The following CMIP variants were observed in gnomAD, a reference collection of about 807,000 sequenced individuals.
The protein encoded by CMIP is c-Maf inducing protein, also known as C-Maf-inducing protein.
A neutral mutation model predicts 97.3 loss-of-function variants in CMIP; 13 were observed. That is an observed-to-expected ratio of 0.13 (90% confidence interval 0.09 to 0.21). The LOEUF (loss-of-function observed/expected upper bound fraction) is 0.21, where lower values mean the gene tolerates loss of function less well. Ranked by LOEUF, CMIP falls within the 10% of genes least tolerant of loss-of-function variation. CMIP has a pLI of 1.00. For synonymous variants in CMIP, 538 were observed against 436.3 expected (o/e 1.23, Z -2.91); for missense variants, 847 against 1,024.9 (o/e 0.83, Z 2.37).
At chr16:81,708,548 G>A (rs1908411282) in intron 20 of CMIP, among the ~76,000 whole-genome samples, 1 of 152,200 alleles carries the variant, frequency 6.6e-6, no homozygotes, top group African/African-American at 2.4e-5. Context: ...AGAGAGACAT[G>A]GTGCCAACTT....
intron 1 of CMIP, among the ~76,000 whole-genome samples, chr16:81,452,547 G>A (rs1906283458): frequency 6.6e-6 from 1 of 152,126 alleles, no homozygotes; most frequent in Non-Finnish European, 1.5e-5. Context: ...AGCAGGGTGG[G>A]GCGAGTGGTG....
chr16:81,601,508 G>A (rs1197469652), intron 1 of CMIP, among the ~76,000 whole-genome samples: 3 of 152,130 alleles, frequency 2.0e-5, no homozygotes, highest in Non-Finnish European at 4.4e-5. Context: ...AGATCTCTGG[G>A]GGTTCACATG....
chr16:81,711,611 A>T lies in CMIP; in HGVS notation c.*1812A>T, dbSNP rs554869006. The T allele has an allele frequency of 3.6e-4, 11 of 30,240 alleles. No homozygotes were observed. The highest frequency in any genetic ancestry group is 2.3e-3 in the Admixed American group (5 of 2,150). The allele number at this position is 30,240 out of a possible 1,614,324, so 1.9% of individuals were successfully genotyped here. A position where few individuals can be genotyped will look rare whatever the true frequency, so the allele number is the denominator to read the frequency against. Reference sequence around the variant, plus strand: ...AAAAATAAATAAAAATAAAAAAAATAAAAAAGGAAAAAAAAAAAAGAAGAA... The same window carrying T: ...AAAAATAAATAAAAATAAAAAAAATTAAAAAGGAAAAAAAAAAAAGAAGAA... On this transcript the variant is annotated 3_prime_UTR_variant, in exon 21 of 21. Coordinates refer to ENST00000537098, the MANE Select transcript of CMIP (RefSeq NM_198390.3).
intron 1 of CMIP, among the ~76,000 whole-genome samples, chr16:81,561,201 C>T (rs986929038): frequency 3.3e-5 from 5 of 152,206 alleles, no homozygotes; most frequent in Non-Finnish European, 5.9e-5. Flanking sequence ...GTGATTCACT[C>T]GCCTTGGCTT....
At chr16:81,568,156 G>C (rs2091018288) in intron 1 of CMIP, among the ~76,000 whole-genome samples, 1 of 149,908 alleles carries the variant, frequency 6.7e-6, no homozygotes, top group Admixed American at 6.7e-5. Flanking sequence ...GGGCACCTTT[G>C]ATGGGAGAAT....
In CMIP at chr16:81,480,781, T is replaced by G. The variant is rs371659721; in HGVS notation, c.300+35240T>G. Reference sequence around the variant, plus strand: ...GCCACCTTGTGCAAGGGGACTGTTATGATGACATCAGTTTCCCCAACATTG... The same window carrying G: ...GCCACCTTGTGCAAGGGGACTGTTAGGATGACATCAGTTTCCCCAACATTG... On this transcript the variant is annotated intron_variant, in intron 1 of 20. Transcript: ENST00000537098. Among the ~76,000 whole-genome samples the G allele has an allele frequency of 2.6e-5, 4 of 152,352 alleles. No individual in the cohort carries two copies. The East Asian group carries it at 7.7e-4, about 29-fold the overall frequency.
chr16:81,520,844 A>G (rs564019330), intron 1 of CMIP, among the ~76,000 whole-genome samples: 3 of 152,150 alleles, frequency 2.0e-5, no homozygotes, highest in Non-Finnish European at 4.4e-5. Flanking sequence ...AAGGGTTGTG[A>G]GGAGGAAGTC....
intron 10 of CMIP, among the ~76,000 whole-genome samples, chr16:81,690,536 C>T (rs550959787): frequency 6.6e-6 from 1 of 152,186 alleles, no homozygotes; most frequent in African/African-American, 2.4e-5. Context: ...CTGAGTCTCG[C>T]TCTGTTGTCC....
intron 1 of CMIP, among the ~76,000 whole-genome samples, chr16:81,557,380 A>T (rs1387343225): frequency 1.3e-5 from 2 of 152,148 alleles, no homozygotes. Context: ...TGTTGGTTGA[A>T]TTCACTTATT....
rs1162799658 is a variant in CMIP, at chr16:81,445,195, A to G, written c.-47A>G. On this transcript the variant is annotated 5_prime_UTR_variant, in exon 1 of 21. Coordinates refer to ENST00000537098, the MANE Select transcript of CMIP (RefSeq NM_198390.3). ...GGGGGCCCCGCCGCCCCAGCAGCCC[A>G]GGACAGCCCCCTCTCCCCGCCCCCA... is the stretch of plus-strand genomic sequence containing the variant. The G allele has an allele frequency of 3.8e-6, 5 of 1,324,444 alleles. No homozygotes were observed. The South Asian group carries it at 7.4e-5, about 19-fold the overall frequency. The allele number at this position is 1,324,444 out of a possible 1,614,324, so 82.0% of individuals were successfully genotyped here. A position where few individuals can be genotyped will look rare whatever the true frequency, so the allele number is the denominator to read the frequency against.
intron 1 of CMIP, among the ~76,000 whole-genome samples, chr16:81,516,136 T>C (rs2966098): frequency 0.2 from 30,774 of 151,972 alleles, 4,612 homozygotes; most frequent in African/African-American, 0.41. Flanking sequence ...TGCGTTGGAG[T>C]CTCTCAGTTC....
chr16:81,490,361 T>C (rs2089386036), intron 1 of CMIP, among the ~76,000 whole-genome samples: 1 of 152,238 alleles, frequency 6.6e-6, no homozygotes, highest in African/African-American at 2.4e-5. Context: ...GGCTCATGCC[T>C]GTAATCCCAG....
At chr16:81,596,063 A>G (rs551359451) in intron 1 of CMIP, among the ~76,000 whole-genome samples, 1 of 151,822 alleles carries the variant, frequency 6.6e-6, no homozygotes, top group South Asian at 2.1e-4. Flanking sequence ...TCTTTTATTT[A>G]TTTGGTTTTT....
At chr16:81,536,080 C>T (rs145360977) in intron 1 of CMIP, among the ~76,000 whole-genome samples, 11 of 152,242 alleles carry the variant, frequency 7.2e-5, no homozygotes, top group Admixed American at 2.0e-4. Flanking sequence ...CCCGAAGCAT[C>T]CCCCGACCCC....
chr16:81,507,375 G>A (rs1265767000), intron 1 of CMIP, among the ~76,000 whole-genome samples: 1 of 152,246 alleles, frequency 6.6e-6, no homozygotes, highest in Admixed American at 6.5e-5. Flanking sequence ...TGTGCAGCCT[G>A]TGAGGGTGTC....
At chr16:81,573,593 C>T (rs1357570487) in intron 1 of CMIP, among the ~76,000 whole-genome samples, 1 of 151,980 alleles carries the variant, frequency 6.6e-6, no homozygotes, top group African/African-American at 2.4e-5. Context: ...TACAATATAT[C>T]TGTTACTTGT....
At chr16:81,505,887 C>T (rs1489436383) in intron 1 of CMIP, among the ~76,000 whole-genome samples, 3 of 152,160 alleles carry the variant, frequency 2.0e-5, no homozygotes, top group Non-Finnish European at 4.4e-5. Context: ...CCCAGCTATT[C>T]GGGAGGCTGA....
At chr16:81,455,879 G>A (rs534343458) in intron 1 of CMIP, among the ~76,000 whole-genome samples, 3 of 152,320 alleles carry the variant, frequency 2.0e-5, no homozygotes, top group Admixed American at 6.5e-5. Context: ...GTGCTGTCTC[G>A]AAGGTGATCC....
chr16:81,632,326 A>T (rs925121020), intron 3 of CMIP, among the ~76,000 whole-genome samples: 2 of 152,244 alleles, frequency 1.3e-5, no homozygotes, highest in South Asian at 2.1e-4. Context: ...TCCCCTAGGC[A>T]GTCACTGTTA....
Sources: allele counts gnomAD v4.1 joint callset (sites outside exome capture counted in the v4.1 genomes callset), GRCh38; gene constraint gnomAD v4.1.1; transcripts MANE v1.5; gene names NCBI Gene and HGNC (gene_info 2026-07-23, HGNC 2026-07-21).